The following KCNQ1 variants were observed in gnomAD, a reference collection of about 807,000 sequenced individuals.
The protein encoded by KCNQ1 is potassium voltage-gated channel subfamily Q member 1.
KCNQ1 carries 49 observed loss-of-function variants against 72.4 expected under a neutral mutation model. That is an observed-to-expected ratio of 0.68 (90% CI 0.54 to 0.86). The LOEUF (loss-of-function observed/expected upper bound fraction) is 0.86. KCNQ1 is among the 40% of genes least tolerant of loss of function. The pLI is 0.00. For synonymous variants in KCNQ1, 450 were observed against 412.6 expected, an observed-to-expected ratio of 1.09 and a Z score of -1.10; for missense variants, 790 against 945.1, an observed-to-expected ratio of 0.84 and a Z score of 2.15.
rs187020175 is a variant in KCNQ1, at chr11:2,514,396, C to T, written c.387-13532C>T. Among the ~76,000 whole-genome samples the T allele has an allele frequency of 2.5e-3, 374 of 152,298 alleles. 5 individuals carry two copies. Among genetic ancestry groups the T allele is most frequent in the African/African-American group, 7.6e-3 (314 of 41,572 alleles). ...GGCTCAGGTTGCCGGGTGCCCTTGA[C>T]GCATTCCCATGTCCCAGTGGGGAAA... On this transcript the variant is annotated intron_variant, in intron 1 of 15. Coordinates refer to ENST00000155840, the MANE Select transcript of KCNQ1 (RefSeq NM_000218.3).
At chr11:2,591,347 C>T (rs1184373115) in intron 10 of KCNQ1, among the ~76,000 whole-genome samples, 5 of 152,202 alleles carry the variant, frequency 3.3e-5, no homozygotes, top group Non-Finnish European at 5.9e-5. Context: ...CCACTGGGCA[C>T]CAGGCTCCCC....
intron 11 of KCNQ1, among the ~76,000 whole-genome samples, chr11:2,756,575 G>A (rs996097707): frequency 6.6e-6 from 1 of 152,072 alleles, no homozygotes; most frequent in Non-Finnish European, 1.5e-5. Flanking sequence ...CAAGGATACA[G>A]TTGGGGTGGA....
rs1342857345 is a variant in KCNQ1 at position 2,704,771 on chromosome 11, G to A, written c.1514+42690G>A. 6.6e-6 allele frequency among the ~76,000 whole-genome samples: 1 copy of A among 152,136 alleles called. No individual in the cohort carries two copies. Among genetic ancestry groups the A allele is most frequent in the Non-Finnish European group, 1.5e-5 (1 of 68,008 alleles). On this transcript the variant is annotated intron_variant, in intron 11 of 15. Transcript: ENST00000155840. The surrounding 1 kb of genome is among the most constrained non-coding windows in gnomAD (Gnocchi z 4.3). ...AGGCGGCAACTTTGTCTAGACTTCT[G>A]GCTGAGGACAGGGAGGAGCTTAAGG...
chr11:2,619,222 A>G (rs991779615), intron 10 of KCNQ1: 2 of 398,512 alleles, frequency 5.0e-6, no homozygotes, highest in Non-Finnish European at 8.8e-6. Flanking sequence ...GTTGAGTAGT[A>G]GTAGCTAGAG....
intron 12 of KCNQ1, among the ~76,000 whole-genome samples, chr11:2,774,810 G>A (rs1290551789): frequency 3.3e-5 from 5 of 152,172 alleles, no homozygotes; most frequent in African/African-American, 1.2e-4. Context: ...CCAAAGAGAG[G>A]TAGCAGGTGG....
Position 2,848,227 on chromosome 11 carries a change from G to C in KCNQ1, c.*224G>C. The stretch of plus-strand genomic sequence containing the variant: ...GGTGTGGGGGCCCCGTCTCAGGTCT[G>C]AGTTGTTACCCCAAGCGCCCTGGCC... On this transcript the variant is annotated 3_prime_UTR_variant, in exon 16 of 16. Transcript: ENST00000155840. The C allele has an allele frequency of 3.0e-6, 2 of 659,864 alleles. No individual in the cohort carries two copies. The highest frequency in any genetic ancestry group is 3.9e-4 in the Middle Eastern group (1 of 2,540). 40.9% of individuals were successfully genotyped at this position (659,864 alleles called of 1,614,324 possible). A position where few individuals can be genotyped will look rare whatever the true frequency, so the allele number is the denominator to read the frequency against.
At chr11:2,675,345 A>C in intron 11 of KCNQ1, 1 of 398,638 alleles carries the variant, frequency 2.5e-6, no homozygotes, top group South Asian at 1.3e-4. Context: ...TATTTTTTTA[A>C]TGAGTTTAAA....
rs1354915387 is a variant in KCNQ1, at chr11:2,599,305, G to A, written c.1393+10451G>A. The stretch of plus-strand genomic sequence containing the variant: ...CTTGTTTTTCTCAATCAGTAAAATA[G>A]TAAAAATGCCTCTAAGGCTGCTGAA... On this transcript the variant is annotated intron_variant, in intron 10 of 15. Transcript: ENST00000155840. The surrounding 1 kb of genome is among the most constrained non-coding windows in gnomAD (Gnocchi z 4.7). Among the ~76,000 whole-genome samples the A allele has an allele frequency of 1.3e-5, 2 of 152,136 alleles. No homozygotes were observed. Among genetic ancestry groups the A allele is most frequent in the Admixed American group, 1.3e-4 (2 of 15,284 alleles).
rs1185349381 is a variant in KCNQ1 at position 2,598,111 on chromosome 11, TTTCTTTTACTTAAGAGTCATAG to T, written c.1393+9261_1393+9282del. On this transcript the variant is annotated intron_variant, in intron 10 of 15. Transcript: ENST00000155840. The surrounding 1 kb of genome is among the most constrained non-coding windows in gnomAD (Gnocchi z 6.2). ...TTTTCTTGGCTAACTCTATTTTTGTTTTCTTTTACTTAAGAGTCATAGTTCATTTATTTGAAGTTCTTCTACT... is the reference window on the plus strand; with the variant it reads ...TTTTCTTGGCTAACTCTATTTTTGTTTTCATTTATTTGAAGTTCTTCTACT... Among the ~76,000 whole-genome samples, 1 of 152,192 alleles carries T rather than the reference TTTCTTTTACTTAAGAGTCATAG, an allele frequency of 6.6e-6. No individual in the cohort carries two copies. Among genetic ancestry groups the T allele is most frequent in the African/African-American group, 2.4e-5 (1 of 41,476 alleles).
chr11:2,453,329 C>T (rs563231062), intron 1 of KCNQ1, among the ~76,000 whole-genome samples: 31 of 152,082 alleles, frequency 2.0e-4, no homozygotes, highest in African/African-American at 4.3e-4. Flanking sequence ...GCCGAGATCA[C>T]GCCGTTGCAC....
rs554610311 is a variant in KCNQ1, at chr11:2,784,546, A to C, written c.1794+6509A>C. ...AATTTCCATATAAATTTTAGGTTCAACCTGTCAATTAAAAAAGAAGGGCCT... is the reference window on the plus strand; with the variant it reads ...AATTTCCATATAAATTTTAGGTTCACCCTGTCAATTAAAAAAGAAGGGCCT... On this transcript the variant is annotated intron_variant, in intron 15 of 15. Transcript: ENST00000155840. The surrounding 1 kb of genome is among the most constrained non-coding windows in gnomAD (Gnocchi z 4.7). Among the ~76,000 whole-genome samples, 9 of 152,044 alleles carry C rather than the reference A, an allele frequency of 5.9e-5. No individual in the cohort carries two copies. Among genetic ancestry groups the C allele is most frequent in the Middle Eastern group, 3.4e-3 (1 of 294 alleles).
chr11:2,718,211 C>T (rs1025935717), intron 11 of KCNQ1, among the ~76,000 whole-genome samples: 1 of 152,202 alleles, frequency 6.6e-6, no homozygotes. Context: ...TCCTCTGCTC[C>T]GTCCTTCCCC....
In KCNQ1 at chr11:2,646,040, C is replaced by T. The variant is rs148959077; in HGVS notation, c.1394-15921C>T. ...CTCACTTACTTACCTTTCTGCACATCGAGGAGTCTCTTCATGATCCCAGCC... is the reference window on the plus strand; with the variant it reads ...CTCACTTACTTACCTTTCTGCACATTGAGGAGTCTCTTCATGATCCCAGCC... On this transcript the variant is annotated intron_variant, in intron 10 of 15. Coordinates refer to ENST00000155840, the MANE Select transcript of KCNQ1 (RefSeq NM_000218.3). 343 of 398,636 alleles carry T rather than the reference C, an allele frequency of 8.6e-4. 1 individual carries two copies. The highest frequency in any genetic ancestry group is 6.5e-3 in the African/African-American group (318 of 48,722). The allele number at this position is 398,636 out of a possible 1,614,324, so 24.7% of individuals were successfully genotyped here. A position where few individuals can be genotyped will look rare whatever the true frequency, so the allele number is the denominator to read the frequency against.
rs1308714431 is a variant in KCNQ1 at position 2,653,852 on chromosome 11, TA to T, written c.1394-8106del. 2.5e-6 allele frequency: 1 copy of T among 398,486 alleles called. No homozygotes were observed. Among genetic ancestry groups the T allele is most frequent in the Non-Finnish European group, 4.4e-6 (1 of 226,076 alleles). 24.7% of individuals were successfully genotyped at this position (398,486 alleles called of 1,614,324 possible). On this transcript the variant is annotated intron_variant, in intron 10 of 15. Coordinates refer to ENST00000155840, the MANE Select transcript of KCNQ1 (RefSeq NM_000218.3). The surrounding 1 kb of genome is among the most constrained non-coding windows in gnomAD (Gnocchi z 5.3). ...CCTTTGGGGATGGCCAGAGGGTACCTAAACACTGCACACTAGGAGTGGGAAA... is the reference window on the plus strand; with the variant it reads ...CCTTTGGGGATGGCCAGAGGGTACCTAACACTGCACACTAGGAGTGGGAAA...
intron 2 of KCNQ1, 127 bp from the exon 3 acceptor site, chr11:2,570,501 G>A (rs553659727): frequency 4.0e-5 from 51 of 1,274,226 alleles, no homozygotes; most frequent in East Asian, 7.5e-5. Context: ...GCCAGGACCC[G>A]GGCCTGCTGT....
At chr11:2,708,364 C>G (rs547716957) in intron 11 of KCNQ1, among the ~76,000 whole-genome samples, 1 of 152,200 alleles carries the variant, frequency 6.6e-6, no homozygotes, top group Non-Finnish European at 1.5e-5. Flanking sequence ...CACTTAGGCA[C>G]GTGGTCCTGA....
At chr11:2,628,798 G>A (rs1043116977) in intron 10 of KCNQ1, 4 of 398,206 alleles carry the variant, frequency 1.0e-5, no homozygotes, top group African/African-American at 2.1e-5. Context: ...TCTCTACAGT[G>A]TAGGGTAAGG....
chr11:2,532,499 G>A (rs1847657267), intron 2 of KCNQ1, among the ~76,000 whole-genome samples: 1 of 152,216 alleles, frequency 6.6e-6, no homozygotes, highest in African/African-American at 2.4e-5. Context: ...GGCCATGGTG[G>A]GGGCACGTTG....
rs559373709 is a variant in KCNQ1 at position 2,498,300 on chromosome 11, T to TC, written c.387-29626dup. Among the ~76,000 whole-genome samples, 363 of 152,320 alleles carry TC rather than the reference T, an allele frequency of 2.4e-3. No individual in the cohort carries two copies. The highest frequency in any genetic ancestry group is 8.0e-3 in the African/African-American group (331 of 41,580). ...AAGCTGTGCCCACAGCCACCCCTTCTCCAGGTGCTCTGTCCCAGGGAAATG... is the reference window on the plus strand; with the variant it reads ...AAGCTGTGCCCACAGCCACCCCTTCTCCCAGGTGCTCTGTCCCAGGGAAATG... On this transcript the variant is annotated intron_variant, in intron 1 of 15. Coordinates refer to ENST00000155840, the MANE Select transcript of KCNQ1 (RefSeq NM_000218.3). The surrounding 1 kb of genome is among the most constrained non-coding windows in gnomAD (Gnocchi z 4.8).
Sources: gnomAD v4.1 joint callset for allele counts (sites outside exome capture counted in the v4.1 genomes callset) on GRCh38, gnomAD v4.1.1 for gene constraint, Gnocchi (gnomAD v3.1) non-coding constraint, MANE v1.5 for transcripts, NCBI Gene and HGNC (gene_info 2026-07-23, HGNC 2026-07-21) for gene names.